Variants in SALL2 observed in about 807,000 individuals in gnomAD.
The protein encoded by SALL2 is sal-like protein 2.
A neutral mutation model predicts 58.5 loss-of-function variants in SALL2; 32 were observed. The observed-to-expected ratio is 0.55, with a 90% CI of 0.41 to 0.74. The LOEUF (loss-of-function observed/expected upper bound fraction) is 0.74, where lower values mean the gene tolerates loss of function less well. Among genes scored for constraint, SALL2 ranks in the 30% least tolerant of loss-of-function variants. The pLI, the probability that SALL2 is intolerant of heterozygous loss-of-function variation, is 0.00. For synonymous variants in SALL2, 516 were observed against 513.6 expected, an observed-to-expected ratio of 1.00 and a Z score of -0.06; for missense variants, 1,201 against 1,268.9, an observed-to-expected ratio of 0.95 and a Z score of 0.81.
Position 21,525,634 on chromosome 14 carries a change from G to A in SALL2, c.88C>T (p.His30Tyr), listed in dbSNP as rs759277404. 90 of 1,582,376 alleles carry A rather than the reference G, an allele frequency of 5.7e-5. No homozygotes were observed. Among genetic ancestry groups the A allele is most frequent in the Non-Finnish European group, 7.7e-5 (89 of 1,161,950 alleles). The change falls in exon 2 of 2, where the codon CAC becomes TAC. Residue 30 changes from histidine (H) to tyrosine (Y), a missense_variant. His to Tyr is a moderately conservative substitution (Grantham distance 83, BLOSUM62 2). Around this residue, in one of 3 missense-constraint regions of SALL2, gnomAD observed 467 missense variants for 468.9 expected, o/e 1.00. Transcript: ENST00000537235. The surrounding 1 kb of genome is among the most constrained non-coding windows in gnomAD (Gnocchi z 4.4). ...CAGCACTTGGCACAGACTTGGGGGT[G>A]ATCCTCCTCGCTAGCATCACCTGGG... ...ELGGDASEEDHPQVCAKCCAQ... is the reference protein window; with the variant it reads ...ELGGDASEEDYPQVCAKCCAQ...
rs1594461070 is a variant in SALL2, at chr14:21,524,807, T to C, written c.915A>G (p.Pro305=). 6.2e-7 allele frequency: 1 copy of C among 1,609,806 alleles called. No individual in the cohort carries two copies. The highest frequency in any genetic ancestry group is 8.5e-7 in the Non-Finnish European group (1 of 1,177,912). ...KPTPAPSPAL[P]GSTDQLIASP... is the part of the protein sequence containing the mutation. The stretch of plus-strand genomic sequence containing the variant: ...AGGCAATCAGCTGATCTGTGCTGCC[T>C]GGCAAGGCTGGGGAAGGGGCAGGGG... The change falls in exon 2 of 2, where the codon CCA becomes CCG. Residue 305 remains proline, a synonymous_variant. Coordinates refer to ENST00000537235, the MANE Select transcript of SALL2 (RefSeq NM_001364564.1).
chr14:21,524,048 C>G lies in SALL2; in HGVS notation c.1674G>C (p.Trp558Cys). 6.2e-7 allele frequency: 1 copy of G among 1,614,184 alleles called. No individual in the cohort carries two copies. Among genetic ancestry groups the G allele is most frequent in the South Asian group, 1.1e-5 (1 of 91,086 alleles). ...LSKLVTSLPS[W>C]ALLTNHFKST... ...ACTTGAAGTGGTTGGTAAGCAGTGC[C>G]CAGCTTGGTAGTGAAGTCACCAACT... The change falls in exon 2 of 2, where the codon TGG becomes TGC. Residue 558 changes from tryptophan to cysteine, a missense_variant. Trp to Cys is a radical substitution (Grantham distance 215). Around this residue, in one of 3 missense-constraint regions of SALL2, gnomAD observed 675 missense variants for 683.8 expected, o/e 0.99. Transcript: ENST00000537235.
chr14:21,532,476 T>TTAC (rs147861110), intron 1 of SALL2, among the ~76,000 whole-genome samples: 58,791 of 151,826 alleles, frequency 0.39, 11,475 homozygotes, highest in Middle Eastern at 0.51. Context: ...TACACATATT[T>TTAC]TACAATAAAA....
chr14:21,523,853 TGAG>T lies in SALL2; in HGVS notation c.1866_1868del (p.Ser623del). ...CACACTGGTTAGGTCCAGAAGAGGC[TGAG>T]GATGAAGGTGCAGGGGCAGAGGTGG... On this transcript the variant is annotated inframe_deletion, in exon 2 of 2. Transcript: ENST00000537235. The surrounding 1 kb of genome is among the most constrained non-coding windows in gnomAD (Gnocchi z 4.4). The T allele has an allele frequency of 6.2e-7, 1 of 1,614,162 alleles. No individual in the cohort carries two copies. The highest frequency in any genetic ancestry group is 1.3e-5 in the African/African-American group (1 of 75,030).
chr14:21,523,595 C>T lies in SALL2; in HGVS notation c.2127G>A (p.Arg709=), dbSNP rs1175505816. 1.2e-6 allele frequency: 2 copies of T among 1,614,248 alleles called. No homozygotes were observed. The highest frequency in any genetic ancestry group is 1.7e-5 in the Admixed American group (1 of 60,026). Reference sequence around the variant, plus strand: ...TGGGGATCTGGCCCCCCAGGTGCATCCGGACATGCTGCTGCAGAGTGACAG... The same window carrying T: ...TGGGGATCTGGCCCCCCAGGTGCATTCGGACATGCTGCTGCAGAGTGACAG... ...TNAVTLQQHV[R]MHLGGQIPNG... Residue 709 remains arginine, a synonymous_variant, in exon 2 of 2, where the codon CGG becomes CGA. Transcript: ENST00000537235. The surrounding 1 kb of genome is among the most constrained non-coding windows in gnomAD (Gnocchi z 4.4).
At position 21,525,195 on chromosome 14, in the gene SALL2, T is replaced by C; in HGVS notation, c.527A>G (p.Asn176Ser). 6.2e-7 allele frequency: 1 copy of C among 1,613,868 alleles called. No homozygotes were observed. Among genetic ancestry groups the C allele is most frequent in the Admixed American group, 1.7e-5 (1 of 60,002 alleles). The stretch of plus-strand genomic sequence containing the variant: ...TAGCTCTTCCAAGATCAGGGGGATA[T>C]TCAAGTGGCCACTGCCTACCCCTGG... ...PPPGVGSGHL[N>S]IPLILEELRV... Residue 176 changes from asparagine to serine, a missense_variant, in exon 2 of 2, where the codon AAT becomes AGT. Physicochemically the swap from Asn to Ser is conservative, Grantham distance 46. This residue lies in a region of SALL2 where 467 missense variants were observed against 468.9 expected (regional missense o/e 1.00). Transcript: ENST00000537235. The surrounding 1 kb of genome is among the most constrained non-coding windows in gnomAD (Gnocchi z 4.4).
rs1254929767 is a variant in SALL2, at chr14:21,525,046, C to G, written c.676G>C (p.Gly226Arg). ...GAPASPSELP[G>R]TGTASSTKPL... ...TTGGTGGAAGAGGCAGTCCCTGTCC[C>G]AGGTAGCTCTGAGGGACTGGCAGGG... The change falls in exon 2 of 2, where the codon GGG (glycine) becomes CGG (arginine). Residue 226 changes from glycine (G) to arginine (R), a missense_variant. Physicochemically the swap from Gly to Arg is moderately radical, Grantham distance 125. Around this residue, in one of 3 missense-constraint regions of SALL2, gnomAD observed 467 missense variants for 468.9 expected, o/e 1.00. Transcript: ENST00000537235. This position sits in a 1 kb window ranked among gnomAD's most constrained non-coding sequence, Gnocchi z 4.4. The G allele has an allele frequency of 6.2e-7, 1 of 1,613,862 alleles. No homozygotes were observed. Among genetic ancestry groups the G allele is most frequent in the Non-Finnish European group, 8.5e-7 (1 of 1,179,920 alleles).
chr14:21,536,473 G>GA (rs1373102304), intron 1 of SALL2, among the ~76,000 whole-genome samples: 1 of 152,152 alleles, frequency 6.6e-6, no homozygotes, highest in Non-Finnish European at 1.5e-5. Context: ...TCTCCAGAAA[G>GA]AAAAGGGGGG....
chr14:21,522,287 G>T lies in SALL2; in HGVS notation c.*417C>A. The T allele has an allele frequency of 6.5e-7, 1 of 1,540,442 alleles. No homozygotes were observed. The highest frequency in any genetic ancestry group is 8.7e-7 in the Non-Finnish European group (1 of 1,147,514). The stretch of plus-strand genomic sequence containing the variant: ...CCATACCCACCAGCTGAGCAGAAAG[G>T]TCACCCCAGAGGAGTGGCACTGGGC... On this transcript the variant is annotated 3_prime_UTR_variant, in exon 2 of 2. Coordinates refer to ENST00000537235, the MANE Select transcript of SALL2 (RefSeq NM_001364564.1).
chr14:21,536,970 A>T, exon 1 of SALL2: 1 of 1,560,010 alleles, frequency 6.4e-7, no homozygotes. Context: ...ACTTGGTCTT[A>T]ACCGGGGTGA....
intron 1 of SALL2, among the ~76,000 whole-genome samples, chr14:21,534,437 A>C (rs1892540736): frequency 6.6e-6 from 1 of 152,160 alleles, no homozygotes; most frequent in Non-Finnish European, 1.5e-5. Flanking sequence ...ATTGGGTTTA[A>C]ACCTTTACTG....
In SALL2 at chr14:21,523,449, T is replaced by C. The variant is rs778734087; in HGVS notation, c.2273A>G (p.Glu758Gly). 6.2e-6 allele frequency: 10 copies of C among 1,614,138 alleles called. No homozygotes were observed. In the East Asian group the frequency reaches 1.6e-4, roughly 25 times the overall value. ...QQQSQQPSPE[E>G]ELSEEEEEED... ...CTCTTCCTCCTCCTCAGACAACTCCTCTTCCGGTGATGGCTGCTGGGACTG... is the reference window on the plus strand; with the variant it reads ...CTCTTCCTCCTCCTCAGACAACTCCCCTTCCGGTGATGGCTGCTGGGACTG... Residue 758 changes from glutamate (E) to glycine (G), a missense_variant, in exon 2 of 2, where the codon GAG becomes GGG. Coordinates refer to ENST00000537235, the MANE Select transcript of SALL2 (RefSeq NM_001364564.1). This position sits in a 1 kb window ranked among gnomAD's most constrained non-coding sequence, Gnocchi z 4.4.
chr14:21,531,403 TTTG>T (rs1892455700), intron 1 of SALL2, among the ~76,000 whole-genome samples: 1 of 152,078 alleles, frequency 6.6e-6, no homozygotes, highest in African/African-American at 2.4e-5. Flanking sequence ...TCTCCCAGAG[TTTG>T]TTTTCTTATT....
Position 21,524,064 on chromosome 14 carries a change from G to A in SALL2, c.1658C>T (p.Thr553Ile). ...AAGCAGTGCCCAGCTTGGTAGTGAA[G>A]TCACCAACTTACTTAGTTGCATGCG... is the stretch of plus-strand genomic sequence containing the variant. ...ATRMQLSKLV[T>I]SLPSWALLTN... The change falls in exon 2 of 2, where the codon ACT becomes ATT. Residue 553 changes from threonine (T) to isoleucine (I), a missense_variant. Physicochemically the swap from Thr to Ile is moderately conservative, Grantham distance 89. Around this residue, in one of 3 missense-constraint regions of SALL2, gnomAD observed 675 missense variants for 683.8 expected, o/e 0.99. Coordinates refer to ENST00000537235, the MANE Select transcript of SALL2 (RefSeq NM_001364564.1). The A allele has an allele frequency of 6.2e-7, 1 of 1,614,222 alleles. No homozygotes were observed. Among genetic ancestry groups the A allele is most frequent in the Non-Finnish European group, 8.5e-7 (1 of 1,180,036 alleles).
chr14:21,522,017 G>A lies in SALL2; in HGVS notation c.*687C>T, dbSNP rs1012191150. On this transcript the variant is annotated 3_prime_UTR_variant, in exon 2 of 2. Coordinates refer to ENST00000537235, the MANE Select transcript of SALL2 (RefSeq NM_001364564.1). ...AGGAATGTACAGTTTGCTACTTCTT[G>A]TCTATGATGGGCTTCTCAGGCACTG... The A allele has an allele frequency of 1.9e-6, 3 of 1,588,764 alleles. No individual in the cohort carries two copies. Among genetic ancestry groups the A allele is most frequent in the African/African-American group, 1.3e-5 (1 of 74,904 alleles).
Position 21,522,800 on chromosome 14 carries a change from A to G in SALL2, c.2922T>C (p.Asn974=). 6.2e-7 allele frequency: 1 copy of G among 1,605,222 alleles called. No individual in the cohort carries two copies. The highest frequency in any genetic ancestry group is 1.7e-4 in the Middle Eastern group (1 of 5,998). ...CAGGGACTAGAGAAAGAGCAGCAAT[A>G]TTCTGAGGGCCATGGGGGGCAAAGG... The part of the protein sequence containing the change: ...VQPFAPHGPQ[N]IAALSLVPGC... Residue 974 remains asparagine, a synonymous_variant, in exon 2 of 2, where the codon AAT becomes AAC. Transcript: ENST00000537235.
chr14:21,528,270 A>G (rs1449620693), upstream of SALL2, among the ~76,000 whole-genome samples: 1 of 152,192 alleles, frequency 6.6e-6, no homozygotes, highest in Non-Finnish European at 1.5e-5. Context: ...TTAAATACAC[A>G]TATACTAAAA....
At chr14:21,532,888 G>A (rs978197490) in intron 1 of SALL2, among the ~76,000 whole-genome samples, 6 of 151,612 alleles carry the variant, frequency 4.0e-5, no homozygotes, top group African/African-American at 4.8e-5. Flanking sequence ...GTGTGAACCC[G>A]GGAGGCGGAG....
At position 21,524,025 on chromosome 14, in the gene SALL2, T is replaced by C; in HGVS notation, c.1697A>G (p.Lys566Arg). ...PSWALLTNHF[K>R]STGSFPFPYV... ...GGGGAAGGGGAAGCTGCCAGTGGAC[T>C]TGAAGTGGTTGGTAAGCAGTGCCCA... is the stretch of plus-strand genomic sequence containing the variant. The change falls in exon 2 of 2, where the codon AAG (lysine) becomes AGG (arginine). Residue 566 changes from lysine (K) to arginine (R), a missense_variant. Transcript: ENST00000537235. The C allele has an allele frequency of 6.2e-7, 1 of 1,614,234 alleles. No individual in the cohort carries two copies. The highest frequency in any genetic ancestry group is 1.3e-5 in the African/African-American group (1 of 75,068).
Sources: gnomAD v4.1 joint callset for allele counts (sites outside exome capture counted in the v4.1 genomes callset) on GRCh38, gnomAD v4.1.1 for gene constraint, gnomAD v4.1.1 regional missense constraint, Gnocchi (gnomAD v3.1) non-coding constraint, MANE v1.5 for transcripts, NCBI Gene and HGNC (gene_info 2026-07-23, HGNC 2026-07-21) for gene names.